PDE4B: variants seen among roughly 807,000 people sequenced by gnomAD.
PDE4B encodes phosphodiesterase 4B.
In PDE4B, 20 loss-of-function variants were observed where a neutral mutation model predicts 82.2. The observed-to-expected ratio is 0.24, with a 90% CI of 0.17 to 0.35. The LOEUF (loss-of-function observed/expected upper bound fraction) is 0.35, where lower values mean the gene tolerates loss of function less well. PDE4B is among the 10% of genes least tolerant of loss of function. PDE4B has a pLI of 1.00. For synonymous variants in PDE4B, 320 were observed against 318.9 expected (o/e 1.00, Z -0.04); for missense variants, 655 against 907.2 (o/e 0.72, Z 3.57).
At chr1:66,080,053 A>G (rs1048867112) in intron 3 of PDE4B, among the ~76,000 whole-genome samples, 1 of 152,124 alleles carries the variant, frequency 6.6e-6, no homozygotes, top group East Asian at 1.9e-4. Context: ...TATCCTGAAA[A>G]ACCCTAGGTC....
chr1:66,305,794 T>C lies in PDE4B; in HGVS notation c.635-26714T>C, dbSNP rs556323277. Reference sequence around the variant, plus strand: ...TTTAAAAATCATATACTAAGTTCAATATTAAGTAATTAATTTATTCTTTTA... The same window carrying C: ...TTTAAAAATCATATACTAAGTTCAACATTAAGTAATTAATTTATTCTTTTA... On this transcript the variant is annotated intron_variant, in intron 7 of 16. Coordinates refer to ENST00000341517, the MANE Select transcript of PDE4B (RefSeq NM_002600.4). Among the ~76,000 whole-genome samples, 3 of 152,332 alleles carry C rather than the reference T, an allele frequency of 2.0e-5. No homozygotes were observed. The East Asian group carries it at 5.8e-4, about 29-fold the overall frequency.
chr1:66,152,631 TATACACACACAC>T lies in PDE4B; in HGVS notation c.282-94827_282-94816del, dbSNP rs1391553139. 5.2e-3 allele frequency: 139 copies of T among 26,478 alleles called. 1 individual carries two copies. The highest frequency in any genetic ancestry group is 0.018 in the African/African-American group (132 of 7,514). The allele number at this position is 26,478 out of a possible 1,614,324, so 1.6% of individuals were successfully genotyped here. ...ACACATATATATATTTATATATGTGTATACACACACACACACACACACACACACACACACACA... is the reference window on the plus strand; with the variant it reads ...ACACATATATATATTTATATATGTGTACACACACACACACACACACACACA... On this transcript the variant is annotated intron_variant, in intron 3 of 16. Transcript: ENST00000341517.
At chr1:66,340,335 A>G (rs1660882109) in intron 8 of PDE4B, among the ~76,000 whole-genome samples, 1 of 152,248 alleles carries the variant, frequency 6.6e-6, no homozygotes, top group African/African-American at 2.4e-5. Context: ...AGAAGACAGT[A>G]AAACTCCTGT....
At chr1:65,940,712 C>G (rs1371921107) in intron 3 of PDE4B, among the ~76,000 whole-genome samples, 2 of 151,990 alleles carry the variant, frequency 1.3e-5, no homozygotes, top group Non-Finnish European at 2.9e-5. Context: ...GTACCATTTG[C>G]TAAAGCTGAA....
At chr1:66,323,665 T>C (rs1659564846) in intron 7 of PDE4B, among the ~76,000 whole-genome samples, 1 of 152,196 alleles carries the variant, frequency 6.6e-6, no homozygotes, top group Non-Finnish European at 1.5e-5. Context: ...TTTATTTATT[T>C]GTTAACCAGA....
At chr1:66,365,602 A>C in intron 12 of PDE4B, 65 bp from the exon 13 acceptor site, 8 of 873,628 alleles carry the variant, frequency 9.2e-6, no homozygotes, top group Admixed American at 1.9e-5. Context: ...TACTTTACAA[A>C]TGAAACTGAA....
chr1:65,958,096 C>T (rs553313074), intron 3 of PDE4B, among the ~76,000 whole-genome samples: 8 of 152,126 alleles, frequency 5.3e-5, no homozygotes, highest in African/African-American at 1.4e-4. Flanking sequence ...GAATTGCAAT[C>T]AGATTATGTC....
At chr1:66,200,581 C>A (rs894819894) in intron 3 of PDE4B, among the ~76,000 whole-genome samples, 1 of 152,026 alleles carries the variant, frequency 6.6e-6, no homozygotes, top group Non-Finnish European at 1.5e-5. Context: ...AAGTTGGATT[C>A]CTAGGTATTT....
At chr1:66,188,406 C>T (rs200137690) in intron 3 of PDE4B, among the ~76,000 whole-genome samples, 5,898 of 151,740 alleles carry the variant, frequency 0.039, 217 homozygotes, top group African/African-American at 0.1. Context: ...CTTTCTGTCT[C>T]GTTGATCTGT....
chr1:66,248,676 A>G (rs1357791184), intron 4 of PDE4B, among the ~76,000 whole-genome samples: 1 of 152,238 alleles, frequency 6.6e-6, no homozygotes, highest in Non-Finnish European at 1.5e-5. Flanking sequence ...TGGTGATAAA[A>G]GACAAACAAA....
chr1:66,096,858 G>A (rs1477111519), intron 3 of PDE4B, among the ~76,000 whole-genome samples: 1 of 151,610 alleles, frequency 6.6e-6, no homozygotes, highest in Non-Finnish European at 1.5e-5. Context: ...GCCTTTTTTA[G>A]AACATCAAAT....
At chr1:65,856,977 T>C (rs1395829758) in intron 1 of PDE4B, among the ~76,000 whole-genome samples, 1 of 152,208 alleles carries the variant, frequency 6.6e-6, no homozygotes, top group Non-Finnish European at 1.5e-5. Context: ...CCTTGACTTC[T>C]GATCTTGTCT....
At chr1:66,204,437 C>T (rs527971072) in intron 3 of PDE4B, among the ~76,000 whole-genome samples, 3 of 152,194 alleles carry the variant, frequency 2.0e-5, no homozygotes, top group African/African-American at 7.2e-5. Context: ...CTGTGCCCTG[C>T]CCCCATAGGT....
intron 3 of PDE4B, chr1:66,046,409 A>T (rs773319746): frequency 2.0e-5 from 3 of 151,902 alleles, no homozygotes; most frequent in Admixed American, 2.0e-4. Context: ...TGTATTTTAT[A>T]TAAGCACAAA....
At chr1:65,846,222 C>T (rs551013959) in intron 1 of PDE4B, among the ~76,000 whole-genome samples, 1 of 152,264 alleles carries the variant, frequency 6.6e-6, no homozygotes, top group South Asian at 2.1e-4. Context: ...AGCCACTCTC[C>T]CTTAATTCCA....
At chr1:65,860,834 A>C (rs1219129418) in intron 1 of PDE4B, among the ~76,000 whole-genome samples, 1 of 152,180 alleles carries the variant, frequency 6.6e-6, no homozygotes, top group Non-Finnish European at 1.5e-5. Flanking sequence ...TGTTGGCTGC[A>C]AAAATGTCTT....
chr1:66,108,520 TG>T (rs1645418852), intron 3 of PDE4B, among the ~76,000 whole-genome samples: 1 of 151,918 alleles, frequency 6.6e-6, no homozygotes, highest in Non-Finnish European at 1.5e-5. Context: ...ACCTATGGAA[TG>T]GGAGAAAATA....
chr1:66,297,070 G>A (rs979945678), intron 7 of PDE4B, among the ~76,000 whole-genome samples: 7 of 151,954 alleles, frequency 4.6e-5, no homozygotes, highest in South Asian at 2.1e-4. Flanking sequence ...TTGACTCTTC[G>A]TGTCTCTTTT....
chr1:66,295,362 C>T lies in PDE4B; in HGVS notation c.634+29275C>T, dbSNP rs552004475. ...TGTCTGTGTGTTTTGTGAAATAATA[C>T]TTACCTTTACTATATATGCTTTACT... On this transcript the variant is annotated intron_variant, in intron 7 of 16. Transcript: ENST00000341517. Among the ~76,000 whole-genome samples, 3 of 152,188 alleles carry T rather than the reference C, an allele frequency of 2.0e-5. No individual in the cohort carries two copies. In the South Asian group the frequency reaches 6.2e-4, roughly 32 times the overall value.
Sources: gnomAD v4.1 joint callset for allele counts (sites outside exome capture counted in the v4.1 genomes callset) on GRCh38, gnomAD v4.1.1 for gene constraint, MANE v1.5 for transcripts, NCBI Gene and HGNC (gene_info 2026-07-23, HGNC 2026-07-21) for gene names.